CSMD1: variants seen among roughly 807,000 people sequenced by gnomAD.
CSMD1 encodes the protein CUB and sushi domain-containing protein 1.
CSMD1 carries 213 observed loss-of-function variants against 417.5 expected under a neutral mutation model. That is an observed-to-expected ratio of 0.51 (90% CI 0.46 to 0.57). The LOEUF is 0.57. CSMD1 is among the 20% of genes least tolerant of loss of function. The pLI is 0.00. For missense variants in CSMD1, 6,923 were observed against 4,529.7 expected, an observed-to-expected ratio of 1.53 and a Z score of -15.17; for synonymous variants, 2,862 against 1,736.8, an observed-to-expected ratio of 1.65 and a Z score of -16.11.
intron 12 of CSMD1, among the ~76,000 whole-genome samples, chr8:3,444,374 C>G (rs1339031720): frequency 6.6e-6 from 1 of 152,176 alleles, no homozygotes; most frequent in Non-Finnish European, 1.5e-5. Flanking sequence ...AAAGATAATA[C>G]ATTCCATAGA....
chr8:4,017,846 A>G (rs908657201), intron 4 of CSMD1, among the ~76,000 whole-genome samples: 5 of 152,294 alleles, frequency 3.3e-5, no homozygotes, highest in African/African-American at 1.2e-4. Flanking sequence ...GTGACTGTAT[A>G]TCTGGTGGTG....
chr8:3,721,740 C>A (rs1229648430), intron 6 of CSMD1, among the ~76,000 whole-genome samples: 2 of 152,052 alleles, frequency 1.3e-5, no homozygotes. Flanking sequence ...AATAAAGGAA[C>A]AGAATTCTAA....
At chr8:3,664,490 T>C (rs189160890) in intron 7 of CSMD1, among the ~76,000 whole-genome samples, 5 of 152,346 alleles carry the variant, frequency 3.3e-5, no homozygotes, top group Non-Finnish European at 4.4e-5. Context: ...TAATCATGCA[T>C]AGAATATGTA....
rs367681009 is a variant in CSMD1, at chr8:4,576,039, T to G, written c.302+61303A>C. ...GGAAAAATACAATTATTTACTGCATTATCTTTCAACATCCACTCTTCTCTC... is the reference window on the plus strand; with the variant it reads ...GGAAAAATACAATTATTTACTGCATGATCTTTCAACATCCACTCTTCTCTC... On this transcript the variant is annotated intron_variant, in intron 2 of 69. Transcript: ENST00000635120. 2.6e-5 allele frequency among the ~76,000 whole-genome samples: 4 copies of G among 152,216 alleles called. No homozygotes were observed. In the East Asian group the frequency reaches 7.7e-4, roughly 29 times the overall value.
chr8:4,024,720 G>C (rs1282975455), intron 4 of CSMD1, among the ~76,000 whole-genome samples: 1 of 152,136 alleles, frequency 6.6e-6, no homozygotes, highest in Admixed American at 6.5e-5. Context: ...GTTCATTGGA[G>C]TTGCACATAG....
At chr8:3,724,582 G>C (rs1905028) in intron 6 of CSMD1, among the ~76,000 whole-genome samples, 1 of 151,828 alleles carries the variant, frequency 6.6e-6, no homozygotes, top group Non-Finnish European at 1.5e-5. Context: ...GGCTGGGAGA[G>C]GAATTAGGGA....
At chr8:3,430,039 A>T (rs1814118854) in intron 12 of CSMD1, among the ~76,000 whole-genome samples, 2 of 152,268 alleles carry the variant, frequency 1.3e-5, no homozygotes, top group South Asian at 4.1e-4. Flanking sequence ...GATAAATCAG[A>T]ACAAAAATAT....
intron 7 of CSMD1, among the ~76,000 whole-genome samples, chr8:3,648,767 G>C (rs887254402): frequency 2.6e-5 from 4 of 152,146 alleles, no homozygotes; most frequent in African/African-American, 4.8e-5. Context: ...AAAGTAAGCA[G>C]TATGCATTGT....
intron 2 of CSMD1, among the ~76,000 whole-genome samples, chr8:4,636,482 T>C (rs994703237): frequency 5.3e-5 from 8 of 152,194 alleles, no homozygotes; most frequent in African/African-American, 1.9e-4. Flanking sequence ...CCACCTCCTA[T>C]GTTCCTTTCA....
chr8:3,107,637 T>G (rs1305205775), intron 45 of CSMD1, 81 bp downstream of exon 45: 10 of 789,158 alleles, frequency 1.3e-5, no homozygotes, highest in Non-Finnish European at 2.1e-5. Context: ...CATTAACTTG[T>G]CTGAGTAATG....
chr8:4,122,085 A>C (rs1047693127), intron 3 of CSMD1, among the ~76,000 whole-genome samples: 1 of 152,090 alleles, frequency 6.6e-6, no homozygotes. Context: ...ATATATCAAT[A>C]TCATAGAAAT....
intron 3 of CSMD1, among the ~76,000 whole-genome samples, chr8:4,403,622 T>C (rs1276331726): frequency 6.6e-6 from 1 of 152,168 alleles, no homozygotes; most frequent in African/African-American, 2.4e-5. Flanking sequence ...CTTTTCACCA[T>C]CTGGTCTACT....
chr8:3,157,296 C>A lies in CSMD1; in HGVS notation c.5914+601G>T, dbSNP rs1484169934. On this transcript the variant is annotated intron_variant, in intron 39 of 69. Coordinates refer to ENST00000635120, the MANE Select transcript of CSMD1 (RefSeq NM_033225.6). ...TGTACTGAGGGACTTGTGACCACCACCTTCAATGCCCCTGGAATCATTAAA... is the reference window on the plus strand; with the variant it reads ...TGTACTGAGGGACTTGTGACCACCAACTTCAATGCCCCTGGAATCATTAAA... Among the ~76,000 whole-genome samples, 4 of 152,246 alleles carry A rather than the reference C, an allele frequency of 2.6e-5. No individual in the cohort carries two copies. In the East Asian group the frequency reaches 7.7e-4, roughly 29 times the overall value.
At chr8:4,685,647 G>A (rs1401421498) in intron 1 of CSMD1, among the ~76,000 whole-genome samples, 1 of 152,138 alleles carries the variant, frequency 6.6e-6, no homozygotes, top group Non-Finnish European at 1.5e-5. Context: ...GTACTTCACA[G>A]AGAAACTTCA....
In CSMD1 at chr8:4,403,255, G is replaced by C. The variant is rs116858980; in HGVS notation, c.415+16698C>G. On this transcript the variant is annotated intron_variant, in intron 3 of 69. Transcript: ENST00000635120. ...TAAAGATCATTTCTCCTACGTTAAA[G>C]GCAAAACAGTCAACAATGAACATAA... Among the ~76,000 whole-genome samples, 245 of 152,236 alleles carry C rather than the reference G, an allele frequency of 1.6e-3. 6 individuals carry two copies. The East Asian group carries it at 0.041, about 26-fold the overall frequency.
intron 50 of CSMD1, among the ~76,000 whole-genome samples, chr8:3,051,529 C>T (rs1008476141): frequency 1.3e-5 from 2 of 152,184 alleles, no homozygotes; most frequent in African/African-American, 4.8e-5. Context: ...ACTATCTCCA[C>T]ACCAAACCCC....
chr8:4,631,783 C>T (rs965188700), intron 2 of CSMD1, among the ~76,000 whole-genome samples: 15 of 152,160 alleles, frequency 9.9e-5, no homozygotes, highest in African/African-American at 3.4e-4. Flanking sequence ...TCATTATCAG[C>T]ATTGCAGAAA....
intron 1 of CSMD1, among the ~76,000 whole-genome samples, chr8:4,819,974 T>C (rs1240758926): frequency 6.6e-6 from 1 of 152,240 alleles, no homozygotes; most frequent in Non-Finnish European, 1.5e-5. Flanking sequence ...TTGGTTTTAT[T>C]GTAATTGGTA....
chr8:3,461,185 G>A (rs1439876178), intron 12 of CSMD1, among the ~76,000 whole-genome samples: 1 of 152,320 alleles, frequency 6.6e-6, no homozygotes, highest in Admixed American at 6.5e-5. Flanking sequence ...TCTCAGGGAA[G>A]TGCTCAAACA....
Sources: gnomAD v4.1 joint callset for allele counts (sites outside exome capture counted in the v4.1 genomes callset) on GRCh38, gnomAD v4.1.1 for gene constraint, MANE v1.5 for transcripts, NCBI Gene and HGNC (gene_info 2026-07-23, HGNC 2026-07-21) for gene names.